G6PC2: variants seen among roughly 807,000 people sequenced by gnomAD.
G6PC2 encodes glucose-6-phosphatase catalytic subunit 2.
Under a neutral mutation model 35.4 loss-of-function variants are expected in G6PC2, and 41 were observed. The observed-to-expected ratio is 1.16, with a 90% CI of 0.90 to 1.50. G6PC2 has a LOEUF of 1.50. Among genes scored for constraint, G6PC2 ranks in the 40% most tolerant of loss-of-function variants. The pLI, the probability that G6PC2 is intolerant of heterozygous loss-of-function variation, is 0.00. For synonymous variants in G6PC2, 165 were observed against 153.2 expected (o/e 1.08, Z -0.57); for missense variants, 441 against 426.5 (o/e 1.03, Z -0.30).
In G6PC2 at chr2:168,902,518, C is replaced by A; in HGVS notation, c.292C>A (p.Leu98Ile). ...TTACCCAAATCACTCAAGTCCATGC[C>A]TTGAACAGTTCCCTACTACATGTGA... Reference protein sequence around the residue: ...QIYPNHSSPCLEQFPTTCETG... With the variant: ...QIYPNHSSPCIEQFPTTCETG... The change falls in exon 2 of 5, where the codon CTT becomes ATT. Residue 98 changes from leucine (L) to isoleucine (I), a missense_variant. Coordinates refer to ENST00000375363, the MANE Select transcript of G6PC2 (RefSeq NM_021176.3). 6.4e-7 allele frequency: 1 copy of A among 1,573,464 alleles called. No homozygotes were observed. Among genetic ancestry groups the A allele is most frequent in the Non-Finnish European group, 8.7e-7 (1 of 1,143,002 alleles).
rs114518692 is a variant in G6PC2, at chr2:168,903,580, G to A, written c.329-925G>A. On this transcript the variant is annotated intron_variant, in intron 2 of 4. Coordinates refer to ENST00000375363, the MANE Select transcript of G6PC2 (RefSeq NM_021176.3). ...ATCGTGGTCAATTCCAGTCCTTTCC[G>A]GCATGTGTTCCACCTTATAAGACAT... Among the ~76,000 whole-genome samples the A allele has an allele frequency of 3.2e-3, 481 of 151,946 alleles. 3 individuals are homozygous for A. The highest frequency in any genetic ancestry group is 4.0e-3 in the Non-Finnish European group (274 of 67,974).
At chr2:168,902,639 A>G in intron 2 of G6PC2, 85 bp downstream of exon 2, 2 of 771,088 alleles carry the variant, frequency 2.6e-6, no homozygotes, top group Non-Finnish European at 4.8e-6. Flanking sequence ...AACTGATATT[A>G]TATAGGGTAG....
At chr2:168,906,085 A>AAC (rs1553541102) in intron 3 of G6PC2, among the ~76,000 whole-genome samples, 34 of 147,768 alleles carry the variant, frequency 2.3e-4, no homozygotes, top group Admixed American at 1.2e-3. Flanking sequence ...CAAAAAAAAA[A>AAC]AAACAAACAA....
At position 168,901,355 on chromosome 2, in the gene G6PC2, A is replaced by T; in HGVS notation, c.24A>T (p.Gly8=). 6.3e-7 allele frequency: 1 copy of T among 1,595,026 alleles called. No homozygotes were observed. The highest frequency in any genetic ancestry group is 1.3e-5 in the African/African-American group (1 of 74,684). ...AGATGGATTTCCTTCACAGGAATGGAGTGCTCATAATTCAGCATTTGCAGA... is the reference window on the plus strand; with the variant it reads ...AGATGGATTTCCTTCACAGGAATGGTGTGCTCATAATTCAGCATTTGCAGA... MDFLHRN[G]VLIIQHLQKD... The change falls in exon 1 of 5, where the codon GGA becomes GGT. Residue 8 remains glycine (G), a synonymous_variant. Transcript: ENST00000375363.
At position 168,906,660 on chromosome 2, in the gene G6PC2, G is replaced by A. The variant is rs181737385; in HGVS notation, c.441-4G>A. 815 of 1,470,228 alleles carry A rather than the reference G, an allele frequency of 5.5e-4. 2 individuals are homozygous for A. In the African/African-American group the frequency reaches 9.7e-3, roughly 17 times the overall value. 91.1% of individuals were successfully genotyped at this position (1,470,228 alleles called of 1,614,324 possible). ...TTATGCTTGTATCTATTCTTCCATC[G>A]TAGACTGACCTGGTCATTTCTTTGG... On this transcript the variant is annotated splice_polypyrimidine_tract_variant and splice_region_variant and intron_variant, in intron 3 of 4. Coordinates refer to ENST00000375363, the MANE Select transcript of G6PC2 (RefSeq NM_021176.3).
intron 3 of G6PC2, 38 bp downstream of exon 3, chr2:168,904,654 A>G (rs761931787): frequency 9.5e-7 from 1 of 1,048,998 alleles, no homozygotes; most frequent in South Asian, 1.2e-5. Flanking sequence ...CTGGAATATG[A>G]CAGTTTTTAA....
At chr2:168,907,453 G>T in intron 4 of G6PC2, 115 bp from the exon 5 acceptor site, 1 of 1,040,388 alleles carries the variant, frequency 9.6e-7, no homozygotes, top group African/African-American at 1.6e-5. Flanking sequence ...TAGAACCTCT[G>T]TGTCTAATGC....
In G6PC2 at chr2:168,904,629, G is replaced by A; in HGVS notation, c.440+13G>A. 6 of 1,354,622 alleles carry A rather than the reference G, an allele frequency of 4.4e-6. No homozygotes were observed. The highest frequency in any genetic ancestry group is 6.4e-6 in the Non-Finnish European group (6 of 942,852). 83.9% of individuals were successfully genotyped at this position (1,354,622 alleles called of 1,614,324 possible). ...TCACTCTGCACAGGTCAGCTTTGCT[G>A]CAGTTTCTGTAGCACTGGAATATGA... On this transcript the variant is annotated intron_variant, in intron 3 of 4. Transcript: ENST00000375363.
At chr2:168,906,639 G>C (rs2232321) in intron 3 of G6PC2, 25 bp from the exon 4 acceptor site, 2 of 1,146,362 alleles carry the variant, frequency 1.7e-6, no homozygotes, top group East Asian at 2.3e-5. Context: ...TGCTTTTTAT[G>C]CTTGTATCTA....
chr2:168,901,428 G>C lies in G6PC2; in HGVS notation c.97G>C (p.Gly33Arg). ...TTTTCTAAATTTTATGTCCAATGTT[G>C]GAGACCCCAGGAATATCTTTTTCAT... The part of the protein sequence containing the change: ...YTFLNFMSNV[G>R]DPRNIFFIYF... The change falls in exon 1 of 5, where the codon GGA (glycine) becomes CGA (arginine). Residue 33 changes from glycine to arginine, a missense_variant. By Grantham distance (125) the Gly-to-Arg change is moderately radical (BLOSUM62 -2). Coordinates refer to ENST00000375363, the MANE Select transcript of G6PC2 (RefSeq NM_021176.3). 1 of 1,591,206 alleles carries C rather than the reference G, an allele frequency of 6.3e-7. No individual in the cohort carries two copies. The highest frequency in any genetic ancestry group is 1.7e-4 in the Middle Eastern group (1 of 6,018).
rs1423414681 is a variant in G6PC2 at position 168,907,665 on chromosome 2, A to C, written c.654A>C (p.Ala218=). ...CCAACCTCTTTCTCTTCCTGTTTGCAGTTGGCTTTTACCTGCTTCTTAGGG... is the reference window on the plus strand; with the variant it reads ...CCAACCTCTTTCTCTTCCTGTTTGCCGTTGGCTTTTACCTGCTTCTTAGGG... ...LKTNLFLFLF[A]VGFYLLLRVL... Residue 218 remains alanine (A), a synonymous_variant, in exon 5 of 5, where the codon GCA becomes GCC. Transcript: ENST00000375363. 9.9e-6 allele frequency: 16 copies of C among 1,613,930 alleles called. No individual in the cohort carries two copies. Among genetic ancestry groups the C allele is most frequent in the Non-Finnish European group, 1.0e-5 (12 of 1,179,968 alleles).
chr2:168,903,987 A>G (rs1690655682), intron 2 of G6PC2, among the ~76,000 whole-genome samples: 1 of 152,130 alleles, frequency 6.6e-6, no homozygotes, highest in South Asian at 2.1e-4. Context: ...TTTGTAAGTC[A>G]ATCAGCAAAT....
chr2:168,908,124 C>T lies in G6PC2; in HGVS notation c.*45C>T. On this transcript the variant is annotated 3_prime_UTR_variant, in exon 5 of 5. Transcript: ENST00000375363. ...GCTCTGTGTCACAGATCACCCTTCT[C>T]CATCCACCAGTAGAGCCACAGAGTA... The T allele has an allele frequency of 6.6e-7, 1 of 1,523,422 alleles. No homozygotes were observed. The highest frequency in any genetic ancestry group is 2.2e-5 in the East Asian group (1 of 44,488). The allele number at this position is 1,523,422 out of a possible 1,614,324, so 94.4% of individuals were successfully genotyped here. A position where few individuals can be genotyped will look rare whatever the true frequency, so the allele number is the denominator to read the frequency against.
rs1275138218 is a variant in G6PC2, at chr2:168,908,808, C to T, written c.*729C>T. The stretch of plus-strand genomic sequence containing the variant: ...CCTGGCTCAAATGATCCTCCCTCCT[C>T]AGCCTCCCATTAGCTAAGACTACAG... On this transcript the variant is annotated 3_prime_UTR_variant, in exon 5 of 5. Transcript: ENST00000375363. 1 of 152,802 alleles carries T rather than the reference C, an allele frequency of 6.5e-6. No individual in the cohort carries two copies. The highest frequency in any genetic ancestry group is 6.5e-5 in the Admixed American group (1 of 15,326). 9.5% of individuals were successfully genotyped at this position (152,802 alleles called of 1,614,324 possible).
At chr2:168,906,858 C>T (rs143071679) in intron 4 of G6PC2, 79 bp downstream of exon 4, 595 of 817,986 alleles carry the variant, frequency 7.3e-4, no homozygotes, top group Non-Finnish European at 1.1e-3. Flanking sequence ...AGATTGTCCC[C>T]GGTAATCAAC....
chr2:168,904,742 T>C, intron 3 of G6PC2, 126 bp downstream of exon 3: 2 of 709,530 alleles, frequency 2.8e-6, no homozygotes, highest in South Asian at 2.9e-5. Flanking sequence ...TATTCTTTCA[T>C]AGACAAAATA....
intron 3 of G6PC2, among the ~76,000 whole-genome samples, chr2:168,906,115 GA>G (rs34296063): frequency 0.41 from 53,119 of 130,250 alleles, 10,231 homozygotes; most frequent in South Asian, 0.69. Context: ...CAAAACAAAA[GA>G]AAAAAAAAAA....
chr2:168,905,563 T>A (rs1690691436), intron 3 of G6PC2, among the ~76,000 whole-genome samples: 1 of 152,178 alleles, frequency 6.6e-6, no homozygotes, highest in Non-Finnish European at 1.5e-5. Context: ...AAAGGTGCTA[T>A]AATGTAAAAA....
intron 4 of G6PC2, among the ~76,000 whole-genome samples, chr2:168,907,074 T>C (rs1690728706): frequency 6.6e-6 from 1 of 152,194 alleles, no homozygotes; most frequent in Non-Finnish European, 1.5e-5. Flanking sequence ...TCAGACAGTG[T>C]GCTTGTGTCT....
Sources: gnomAD v4.1 joint callset for allele counts (sites outside exome capture counted in the v4.1 genomes callset) on GRCh38, gnomAD v4.1.1 for gene constraint, MANE v1.5 for transcripts, NCBI Gene and HGNC (gene_info 2026-07-23, HGNC 2026-07-21) for gene names.